The following PTPRD variants were observed in gnomAD, a reference collection of about 807,000 sequenced individuals.
The protein encoded by PTPRD is receptor-type tyrosine-protein phosphatase delta.
PTPRD carries 34 observed loss-of-function variants against 214.5 expected under a neutral mutation model. The ratio of observed to expected loss-of-function variants is 0.16; its 90% CI spans 0.12 to 0.21. The LOEUF is 0.21. PTPRD is among the 10% of genes least tolerant of loss of function. The pLI is 1.00. For synonymous variants in PTPRD, 1,128 were observed against 845.7 expected, an observed-to-expected ratio of 1.33 and a Z score of -5.79; for missense variants, 2,545 against 2,398.7, an observed-to-expected ratio of 1.06 and a Z score of -1.27.
intron 10 of PTPRD, among the ~76,000 whole-genome samples, chr9:9,162,782 T>A (rs1464507438): frequency 2.6e-5 from 4 of 152,118 alleles, no homozygotes; most frequent in Non-Finnish European, 4.4e-5. Context: ...GAAGGCATTA[T>A]CTATATTTTC....
chr9:9,689,620 G>A (rs1218452949), intron 7 of PTPRD, among the ~76,000 whole-genome samples: 1 of 151,490 alleles, frequency 6.6e-6, no homozygotes, highest in Non-Finnish European at 1.5e-5. Context: ...TACTATTAAG[G>A]AACCTCTGTT....
At chr9:9,875,034 G>T (rs142938039) in intron 5 of PTPRD, among the ~76,000 whole-genome samples, 1 of 152,218 alleles carries the variant, frequency 6.6e-6, no homozygotes. Flanking sequence ...AGAATGATTA[G>T]ATAACTCAAG....
intron 4 of PTPRD, among the ~76,000 whole-genome samples, chr9:9,939,290 G>A (rs139710964): frequency 6.6e-6 from 1 of 152,230 alleles, no homozygotes; most frequent in African/African-American, 2.4e-5. Context: ...CACAAATAGA[G>A]CTACTGACCT....
At position 8,376,665 on chromosome 9, in the gene PTPRD, G is replaced by A. The variant is rs753080783; in HGVS notation, c.4448C>T (p.Thr1483Met). Reference sequence around the variant, plus strand: ...GGCCAGCTCCACAGTATCAAGCAGCGTTACTTGAACGAGTCCGTGGGTTTC... The same window carrying A: ...GGCCAGCTCCACAGTATCAAGCAGCATTACTTGAACGAGTCCGTGGGTTTC... ...GTETHGLVQV[T>M]LLDTVELATY... The change falls in exon 38 of 46, where the codon ACG becomes ATG. Residue 1483 changes from threonine (T) to methionine (M), a missense_variant. Transcript: ENST00000381196. 1.3e-5 allele frequency: 21 copies of A among 1,612,946 alleles called. No homozygotes were observed. Among genetic ancestry groups the A allele is most frequent in the South Asian group, 7.7e-5 (7 of 91,066 alleles).
chr9:8,496,290 C>T (rs1318442816), intron 26 of PTPRD, among the ~76,000 whole-genome samples: 1 of 151,890 alleles, frequency 6.6e-6, no homozygotes, highest in Non-Finnish European at 1.5e-5. Context: ...TTCAGGACTT[C>T]TTTTACTATC....
chr9:9,515,623 G>A (rs375302290), intron 8 of PTPRD, among the ~76,000 whole-genome samples: 4 of 150,562 alleles, frequency 2.7e-5, no homozygotes, highest in African/African-American at 9.8e-5. Context: ...TACAAGATAT[G>A]GAAAAACATG....
chr9:10,336,284 G>T (rs558302023), intron 3 of PTPRD, among the ~76,000 whole-genome samples: 1 of 151,614 alleles, frequency 6.6e-6, no homozygotes, highest in Admixed American at 6.6e-5. Context: ...ACTTACCTGA[G>T]ATTCAGAAAG....
intron 12 of PTPRD, among the ~76,000 whole-genome samples, chr9:8,689,746 T>C (rs958131351): frequency 1.3e-5 from 2 of 152,298 alleles, no homozygotes; most frequent in South Asian, 2.1e-4. Flanking sequence ...ATTTGGTTCA[T>C]CTCTTCTTTA....
intron 9 of PTPRD, among the ~76,000 whole-genome samples, chr9:9,330,822 AGGAAGAAAGAGACAT>A (rs1252325923): frequency 6.6e-6 from 1 of 151,838 alleles, no homozygotes; most frequent in Non-Finnish European, 1.5e-5. Context: ...CTTTTTTTCT[AGGAAGAAAGAGACAT>A]GGGATATTTC....
intron 35 of PTPRD, among the ~76,000 whole-genome samples, chr9:8,430,787 C>T (rs1401587454): frequency 6.6e-6 from 1 of 152,094 alleles, no homozygotes; most frequent in Non-Finnish European, 1.5e-5. Flanking sequence ...CACTTCACTC[C>T]TCTTCCTAGT....
At chr9:9,008,497 A>T (rs1589711413) in intron 11 of PTPRD, among the ~76,000 whole-genome samples, 2 of 151,938 alleles carry the variant, frequency 1.3e-5, no homozygotes, top group Admixed American at 6.6e-5. Context: ...AAGTCCTGGG[A>T]TTACAGGCAT....
chr9:8,351,183 A>T (rs73643618), intron 39 of PTPRD, among the ~76,000 whole-genome samples: 26 of 152,180 alleles, frequency 1.7e-4, no homozygotes, highest in Non-Finnish European at 3.7e-4. Flanking sequence ...AGCATCTAAG[A>T]CATTGTCAAG....
chr9:9,048,181 G>A (rs1346705555), intron 10 of PTPRD, among the ~76,000 whole-genome samples: 1 of 152,070 alleles, frequency 6.6e-6, no homozygotes, highest in Non-Finnish European at 1.5e-5. Flanking sequence ...GAATAAAATG[G>A]AACCCGTGTA....
chr9:9,092,931 A>G (rs1424443911), intron 10 of PTPRD, among the ~76,000 whole-genome samples: 1 of 152,090 alleles, frequency 6.6e-6, no homozygotes, highest in Non-Finnish European at 1.5e-5. Context: ...ATTATATGCT[A>G]TTGACAAGAA....
chr9:8,347,868 A>G (rs2074313404), intron 39 of PTPRD, among the ~76,000 whole-genome samples: 2 of 152,178 alleles, frequency 1.3e-5, no homozygotes, highest in South Asian at 4.1e-4. Flanking sequence ...CAACTCTGCC[A>G]GCACCTTCAT....
chr9:8,976,811 T>A (rs2099270438), intron 11 of PTPRD, among the ~76,000 whole-genome samples: 1 of 152,124 alleles, frequency 6.6e-6, no homozygotes, highest in Non-Finnish European at 1.5e-5. Flanking sequence ...TATTGTTGAT[T>A]TTTTGGAGTG....
intron 11 of PTPRD, among the ~76,000 whole-genome samples, chr9:8,885,592 G>T (rs530036991): frequency 1.3e-5 from 2 of 148,450 alleles, no homozygotes; most frequent in East Asian, 4.1e-4. Flanking sequence ...TGCCTTCCAG[G>T]TTCAAGCAAT....
intron 20 of PTPRD, among the ~76,000 whole-genome samples, chr9:8,519,954 T>A (rs1400610927): frequency 6.6e-6 from 1 of 152,100 alleles, no homozygotes; most frequent in Non-Finnish European, 1.5e-5. Flanking sequence ...GATTCAATAT[T>A]TACACACTAC....
intron 11 of PTPRD, among the ~76,000 whole-genome samples, chr9:8,780,250 C>T (rs2095642949): frequency 6.6e-6 from 1 of 152,162 alleles, no homozygotes; most frequent in South Asian, 2.1e-4. Context: ...CAGGATTAGG[C>T]CATTTATTCA....
Sources: gnomAD v4.1 joint callset for allele counts (sites outside exome capture counted in the v4.1 genomes callset) on GRCh38, gnomAD v4.1.1 for gene constraint, MANE v1.5 for transcripts, NCBI Gene and HGNC (gene_info 2026-07-23, HGNC 2026-07-21) for gene names.